FAM118B: variants seen among roughly 807,000 people sequenced by gnomAD.
FAM118B encodes SIR2 antiphage like 1.
FAM118B carries 24 observed loss-of-function variants against 38.5 expected under a neutral mutation model. The ratio of observed to expected loss-of-function variants is 0.62; its 90% CI spans 0.45 to 0.88. The LOEUF is 0.88. Among genes scored for constraint, FAM118B ranks in the 40% least tolerant of loss-of-function variants. The pLI is 0.00. For synonymous variants in FAM118B, 138 were observed against 156.3 expected (o/e 0.88, Z 0.87); for missense variants, 334 against 420.0 (o/e 0.80, Z 1.79).
At chr11:126,236,835 A>T (rs1261855546) in intron 3 of FAM118B, among the ~76,000 whole-genome samples, 8 of 143,682 alleles carry the variant, frequency 5.6e-5, no homozygotes, top group Admixed American at 3.4e-4. Flanking sequence ...GGATTTAAAA[A>T]TTTCTGTTGC....
chr11:126,235,174 G>A (rs1368588226), intron 3 of FAM118B, 87 bp downstream of exon 3: 3 of 1,069,074 alleles, frequency 2.8e-6, no homozygotes, highest in Non-Finnish European at 4.2e-6. Flanking sequence ...TATATCAGTT[G>A]TTTTCACTAA....
In FAM118B at chr11:126,262,237, T is replaced by C. The variant is rs1950716168; in HGVS notation, c.*104T>C. ...AGAACCCAACACAATTCCCAGAAAG[T>C]AACAATAGCCAGAGGTTGAAGGGCG... On this transcript the variant is annotated 3_prime_UTR_variant, in exon 9 of 9. Coordinates refer to ENST00000533050, the MANE Select transcript of FAM118B (RefSeq NM_024556.4). The C allele has an allele frequency of 7.8e-7, 1 of 1,289,982 alleles. No individual in the cohort carries two copies. The highest frequency in any genetic ancestry group is 1.2e-5 in the South Asian group (1 of 82,484). 79.9% of individuals were successfully genotyped at this position (1,289,982 alleles called of 1,614,324 possible). A position where few individuals can be genotyped will look rare whatever the true frequency, so the allele number is the denominator to read the frequency against.
At chr11:126,212,414 A>G (rs1047480206) in intron 1 of FAM118B, among the ~76,000 whole-genome samples, 1 of 152,020 alleles carries the variant, frequency 6.6e-6, no homozygotes, top group Non-Finnish European at 1.5e-5. Flanking sequence ...TTTCCTCTCC[A>G]TAGTTTGCAA....
intron 5 of FAM118B, among the ~76,000 whole-genome samples, chr11:126,251,941 C>T (rs891072789): frequency 3.3e-5 from 5 of 151,908 alleles, no homozygotes; most frequent in East Asian, 1.9e-4. Flanking sequence ...CTCAGCCTCC[C>T]AAAGTACTGG....
intron 1 of FAM118B, among the ~76,000 whole-genome samples, chr11:126,218,895 A>T (rs1380315731): frequency 6.6e-6 from 1 of 152,098 alleles, no homozygotes; most frequent in African/African-American, 2.4e-5. Context: ...TCAGTTCTTC[A>T]TTGCTCCTGC....
At chr11:126,233,323 A>G (rs558646165) in intron 2 of FAM118B, among the ~76,000 whole-genome samples, 2 of 152,286 alleles carry the variant, frequency 1.3e-5, no homozygotes, top group South Asian at 4.1e-4. Flanking sequence ...TAAAAATACA[A>G]AATTAGCTGG....
At chr11:126,235,806 A>T (rs1950267206) in intron 3 of FAM118B, among the ~76,000 whole-genome samples, 1 of 152,230 alleles carries the variant, frequency 6.6e-6, no homozygotes. Context: ...GGCGTGAGCC[A>T]CTGTGCCCGG....
intron 1 of FAM118B, among the ~76,000 whole-genome samples, chr11:126,217,446 C>T (rs991418522): frequency 6.6e-6 from 1 of 152,222 alleles, no homozygotes; most frequent in South Asian, 2.1e-4. Flanking sequence ...ATACTGTTCA[C>T]TGTTGAGCTG....
chr11:126,224,339 G>A (rs1950108555), intron 1 of FAM118B, among the ~76,000 whole-genome samples: 1 of 151,892 alleles, frequency 6.6e-6, no homozygotes, highest in Non-Finnish European at 1.5e-5. Context: ...CGGGTATGGT[G>A]GCATGCACCT....
rs1950586941 is a variant in FAM118B at position 126,256,877 on chromosome 11, G to T, written c.982+25G>T. 2 of 1,589,010 alleles carry T rather than the reference G, an allele frequency of 1.3e-6. No homozygotes were observed. Among genetic ancestry groups the T allele is most frequent in the South Asian group, 2.3e-5 (2 of 88,104 alleles). ...GGTAAGATGCATTTTGAAGCTGAGG[G>T]GAATCAGAGAACAACAGCTCTTCAG... On this transcript the variant is annotated intron_variant, in intron 7 of 8. Transcript: ENST00000533050. The surrounding 1 kb of genome is among the most constrained non-coding windows in gnomAD (Gnocchi z 6.6).
chr11:126,259,946 T>C lies in FAM118B; in HGVS notation c.983-1479T>C, dbSNP rs191758437. Among the ~76,000 whole-genome samples, 1,266 of 151,844 alleles carry C rather than the reference T, an allele frequency of 8.3e-3. 10 individuals carry two copies. Among genetic ancestry groups the C allele is most frequent in the Middle Eastern group, 0.014 (4 of 294 alleles). On this transcript the variant is annotated intron_variant, in intron 7 of 8. Coordinates refer to ENST00000533050, the MANE Select transcript of FAM118B (RefSeq NM_024556.4). Reference sequence around the variant, plus strand: ...TGTGTTAGCCAGGATGGTCTCGATCTCCTGACCTCGTGATCCACCCACCTC... The same window carrying C: ...TGTGTTAGCCAGGATGGTCTCGATCCCCTGACCTCGTGATCCACCCACCTC...
intron 1 of FAM118B, among the ~76,000 whole-genome samples, chr11:126,213,597 T>G (rs1448711438): frequency 1.3e-5 from 2 of 152,256 alleles, no homozygotes; most frequent in Non-Finnish European, 2.9e-5. Flanking sequence ...CATCGGGACT[T>G]AAATTCATAT....
chr11:126,215,169 T>A (rs1381257375), intron 1 of FAM118B, among the ~76,000 whole-genome samples: 1 of 152,214 alleles, frequency 6.6e-6, no homozygotes, highest in African/African-American at 2.4e-5. Flanking sequence ...CTTCAGTTTT[T>A]TGTCATTTGA....
At chr11:126,239,651 C>G (rs573484848) in intron 3 of FAM118B, among the ~76,000 whole-genome samples, 10 of 152,112 alleles carry the variant, frequency 6.6e-5, no homozygotes, top group Non-Finnish European at 1.5e-5. Flanking sequence ...GTAGCTGGGA[C>G]TACAGGTGTG....
chr11:126,236,126 A>C (rs1950271866), intron 3 of FAM118B, among the ~76,000 whole-genome samples: 1 of 152,002 alleles, frequency 6.6e-6, no homozygotes, highest in Non-Finnish European at 1.5e-5. Context: ...GATATTTGCT[A>C]TTTCCCATTC....
chr11:126,245,520 T>C (rs1297000853), intron 4 of FAM118B, among the ~76,000 whole-genome samples: 1 of 151,966 alleles, frequency 6.6e-6, no homozygotes, highest in Non-Finnish European at 1.5e-5. Context: ...AGTGCTGTAA[T>C]GGTTGTCATC....
At chr11:126,217,921 G>T (rs1024268908) in intron 1 of FAM118B, among the ~76,000 whole-genome samples, 1 of 152,130 alleles carries the variant, frequency 6.6e-6, no homozygotes, top group Admixed American at 6.5e-5. Flanking sequence ...TTACGTGACC[G>T]TATTTTGTTT....
At chr11:126,234,490 C>CAACAGAG (rs1288360976) in intron 2 of FAM118B, among the ~76,000 whole-genome samples, 2 of 152,200 alleles carry the variant, frequency 1.3e-5, no homozygotes, top group Non-Finnish European at 2.9e-5. Flanking sequence ...AGGTCACCAT[C>CAACAGAG]GTCCAACAAC....
chr11:126,250,765 G>A lies in FAM118B; in HGVS notation c.567+32G>A, dbSNP rs754570349. On this transcript the variant is annotated intron_variant, in intron 5 of 8. Coordinates refer to ENST00000533050, the MANE Select transcript of FAM118B (RefSeq NM_024556.4). This position sits in a 1 kb window ranked among gnomAD's most constrained non-coding sequence, Gnocchi z 5.1. The stretch of plus-strand genomic sequence containing the variant: ...AGTAAAGCATTGGTCCCTTCTTCAG[G>A]CTAGTGGATTTTATCTTCCTCAGAA... 7 of 1,499,608 alleles carry A rather than the reference G, an allele frequency of 4.7e-6. No homozygotes were observed. The East Asian group carries it at 1.1e-4, about 25-fold the overall frequency. The allele number at this position is 1,499,608 out of a possible 1,614,324, so 92.9% of individuals were successfully genotyped here. A position where few individuals can be genotyped will look rare whatever the true frequency, so the allele number is the denominator to read the frequency against.
Sources: allele counts gnomAD v4.1 joint callset (sites outside exome capture counted in the v4.1 genomes callset), GRCh38; gene constraint gnomAD v4.1.1; non-coding constraint Gnocchi (gnomAD v3.1); transcripts MANE v1.5; gene names NCBI Gene and HGNC (gene_info 2026-07-23, HGNC 2026-07-21).